Variants in KIF7 observed in about 807,000 individuals in gnomAD.
KIF7 encodes kinesin family member 7.
A neutral mutation model predicts 135.7 loss-of-function variants in KIF7; 104 were observed. The ratio of observed to expected loss-of-function variants is 0.77; its 90% CI spans 0.65 to 0.90. The LOEUF (loss-of-function observed/expected upper bound fraction) is 0.90. Among genes scored for constraint, KIF7 ranks in the 40% least tolerant of loss-of-function variants. The pLI, the probability that KIF7 is intolerant of heterozygous loss-of-function variation, is 0.00. For missense variants in KIF7, 2,005 were observed against 1,839.1 expected (o/e 1.09, Z -1.65); for synonymous variants, 883 against 809.4 (o/e 1.09, Z -1.54).
downstream of KIF7, chr15:89,623,630 A>G: frequency 2.5e-6 from 4 of 1,606,564 alleles, no homozygotes; most frequent in Non-Finnish European, 3.4e-6. Context: ...CAGACTCCCA[A>G]GAAGAGTCAC....
rs1444851373 is a variant in KIF7 at position 89,633,786 on chromosome 15, A to G, written c.2492T>C (p.Met831Thr). ...LQELERNVQL[M>T]RQQQGQLQRR... is the part of the protein sequence containing the mutation. ...CTGCAGCTGTCCCTGCTGCTGCCGC[A>G]TGAGCTGCACGTTCCGCTCGAGCTC... Residue 831 changes from methionine to threonine, a missense_variant, in exon 12 of 19, where the codon ATG becomes ACG. By Grantham distance (81) the Met-to-Thr change is moderately conservative. Coordinates refer to ENST00000394412, the MANE Select transcript of KIF7 (RefSeq NM_198525.3). 4 of 1,612,044 alleles carry G rather than the reference A, an allele frequency of 2.5e-6. No individual in the cohort carries two copies. The highest frequency in any genetic ancestry group is 1.7e-5 in the Admixed American group (1 of 60,034).
chr15:89,624,055 A>C (rs1261235919), downstream of KIF7: 1 of 1,614,032 alleles, frequency 6.2e-7, no homozygotes, highest in Non-Finnish European at 8.5e-7. Context: ...AGACCCTCTC[A>C]GAACACCTCC....
intron 6 of KIF7, 27 bp from the exon 7 acceptor site, chr15:89,647,084 G>C (rs1234496083): frequency 1.3e-6 from 2 of 1,548,856 alleles, no homozygotes; most frequent in East Asian, 2.4e-5. Flanking sequence ...AGGTGCCAAG[G>C]GGGCATGAAT....
intron 10 of KIF7, among the ~76,000 whole-genome samples, chr15:89,643,609 G>A (rs1477312719): frequency 2.0e-5 from 3 of 152,228 alleles, no homozygotes; most frequent in African/African-American, 7.2e-5. Context: ...GGACTGTGCC[G>A]GGTGCGGTGG....
chr15:89,653,951 C>T (rs1027275584), intron 1 of KIF7, among the ~76,000 whole-genome samples: 3 of 151,880 alleles, frequency 2.0e-5, no homozygotes, highest in African/African-American at 7.3e-5. Flanking sequence ...CCCAACTCCC[C>T]CAAAAAAAGG....
chr15:89,653,126 G>T (rs560151148), intron 1 of KIF7, among the ~76,000 whole-genome samples, 172 bp from the exon 2 acceptor site: 37 of 152,224 alleles, frequency 2.4e-4, no homozygotes, highest in Non-Finnish European at 3.2e-4. Flanking sequence ...AAATTGCAAG[G>T]GCCATGATAT....
At chr15:89,654,330 G>GAAA (rs56346950) in intron 1 of KIF7, among the ~76,000 whole-genome samples, 4 of 144,014 alleles carry the variant, frequency 2.8e-5, no homozygotes, top group African/African-American at 1.0e-4. Context: ...ATATTAAGGG[G>GAAA]AAAAAAAAAA....
At chr15:89,655,801 T>C (rs903608790), upstream of KIF7, among the ~76,000 whole-genome samples, 1 of 152,174 alleles carries the variant, frequency 6.6e-6, no homozygotes, top group African/African-American at 2.4e-5. Flanking sequence ...GAAACTTTAA[T>C]CTCCCCACGT....
At chr15:89,621,217 C>T (rs889099939) in intron 1 of KIF7, among the ~76,000 whole-genome samples, 7 of 151,304 alleles carry the variant, frequency 4.6e-5, no homozygotes, top group East Asian at 2.0e-4. Flanking sequence ...GATGGTGTTT[C>T]GCTATGTTGG....
downstream of KIF7, chr15:89,624,124 C>T (rs1963470410): frequency 3.1e-6 from 5 of 1,613,888 alleles, no homozygotes; most frequent in Admixed American, 6.7e-5. Context: ...GCCCCATGTC[C>T]TCAGAGCTGC....
At chr15:89,624,392 C>T (rs190336626), downstream of KIF7, 20 of 1,614,200 alleles carry the variant, frequency 1.2e-5, no homozygotes, top group South Asian at 4.4e-5. Flanking sequence ...CCCTCAACTC[C>T]CCCTGAACTC....
chr15:89,639,222 T>C (rs894886646), intron 11 of KIF7, among the ~76,000 whole-genome samples: 4 of 152,232 alleles, frequency 2.6e-5, no homozygotes, highest in South Asian at 2.1e-4. Flanking sequence ...ATTTAGGACA[T>C]AGGCATGGGC....
At chr15:89,624,720 C>G, downstream of KIF7, 1 of 1,614,144 alleles carries the variant, frequency 6.2e-7, no homozygotes, top group East Asian at 2.2e-5. Flanking sequence ...TCAGTGAAGC[C>G]GAACACCATG....
downstream of KIF7, chr15:89,625,348 G>T (rs1963501282): frequency 1.9e-6 from 3 of 1,613,962 alleles, no homozygotes; most frequent in Admixed American, 5.0e-5. Context: ...GACAACTCCA[G>T]ACATAATTAA....
chr15:89,629,637 A>G (rs921871131), intron 16 of KIF7, 64 bp from the exon 17 acceptor site: 505 of 1,594,418 alleles, frequency 3.2e-4, no homozygotes, highest in Non-Finnish European at 4.0e-4. Flanking sequence ...CTAATCCTCA[A>G]TCACAGACAC....
chr15:89,645,480 C>T, intron 8 of KIF7, 29 bp from the exon 9 acceptor site: 1 of 1,554,562 alleles, frequency 6.4e-7, no homozygotes, highest in Non-Finnish European at 8.8e-7. Context: ...AGGCCATGCT[C>T]CTCCCCAGCC....
chr15:89,640,780 G>C (rs537600638), intron 11 of KIF7, among the ~76,000 whole-genome samples: 7 of 150,438 alleles, frequency 4.7e-5, no homozygotes, highest in African/African-American at 1.5e-4. Flanking sequence ...GAGGTCAGGA[G>C]TTCAAGAGCA....
intron 8 of KIF7, among the ~76,000 whole-genome samples, 164 bp downstream of exon 8, chr15:89,645,729 C>T (rs566431136): frequency 6.6e-6 from 1 of 152,248 alleles, no homozygotes; most frequent in South Asian, 2.1e-4. Flanking sequence ...CGGCTCAGTG[C>T]CCCACAGCTC....
intron 15 of KIF7, chr15:89,631,200 C>T (rs1963667033): frequency 7.1e-6 from 3 of 424,108 alleles, no homozygotes; most frequent in Non-Finnish European, 8.7e-6. Context: ...ACACACGAAG[C>T]CGAGACGTGT....
Sources: gnomAD v4.1 joint callset for allele counts (sites outside exome capture counted in the v4.1 genomes callset) on GRCh38, gnomAD v4.1.1 for gene constraint, MANE v1.5 for transcripts, NCBI Gene and HGNC (gene_info 2026-07-23, HGNC 2026-07-21) for gene names.